The following PCDHGB4 variants were observed in gnomAD, a reference collection of about 807,000 sequenced individuals.
PCDHGB4 encodes the protein protocadherin gamma-B4.
A neutral mutation model predicts 60.5 loss-of-function variants in PCDHGB4; 38 were observed. The ratio of observed to expected loss-of-function variants is 0.63; its 90% CI spans 0.48 to 0.82. The LOEUF (loss-of-function observed/expected upper bound fraction) is 0.82. PCDHGB4 is among the 40% of genes least tolerant of loss of function. The pLI is 0.00. For missense variants in PCDHGB4, 1,109 were observed against 1,209.6 expected, an observed-to-expected ratio of 0.92 and a Z score of 1.23; for synonymous variants, 456 against 509.7, an observed-to-expected ratio of 0.89 and a Z score of 1.42.
intron 1 of PCDHGB4, among the ~76,000 whole-genome samples, chr5:141,482,104 A>T (rs11748215): frequency 0.23 from 34,477 of 150,324 alleles, 4,798 homozygotes; most frequent in African/African-American, 0.39. Context: ...AAAAAAAAAA[A>T]ATATCTAGAG....
rs781026604 is a variant in PCDHGB4, at chr5:141,490,471, C to A, written c.2398-4336C>A. The A allele has an allele frequency of 6.2e-7, 1 of 1,614,214 alleles. No individual in the cohort carries two copies. The highest frequency in any genetic ancestry group is 1.1e-5 in the South Asian group (1 of 91,088). On this transcript the variant is annotated intron_variant, in intron 1 of 3. Transcript: ENST00000519479. This position sits in a 1 kb window ranked among gnomAD's most constrained non-coding sequence, Gnocchi z 5.4. ...CCACTACTCGCTGCTAACCAGCCAGCCTTTGGACCGGGAGGCCACATCCCA... is the reference window on the plus strand; with the variant it reads ...CCACTACTCGCTGCTAACCAGCCAGACTTTGGACCGGGAGGCCACATCCCA...
chr5:141,482,041 T>C (rs1443886481), intron 1 of PCDHGB4, among the ~76,000 whole-genome samples: 2 of 150,190 alleles, frequency 1.3e-5, no homozygotes, highest in Non-Finnish European at 2.9e-5. Context: ...GCCAAGATCA[T>C]GCTGTTGCAT....
chr5:141,456,426 A>G (rs2098857765), intron 1 of PCDHGB4, among the ~76,000 whole-genome samples: 1 of 152,210 alleles, frequency 6.6e-6, no homozygotes, highest in Non-Finnish European at 1.5e-5. Context: ...AATTCAAGTT[A>G]TAGTATTGAG....
intron 2 of PCDHGB4, among the ~76,000 whole-genome samples, chr5:141,497,621 C>T (rs769483223): frequency 7.3e-5 from 11 of 151,482 alleles, no homozygotes; most frequent in Non-Finnish European, 1.3e-4. Flanking sequence ...CTCACTGCAA[C>T]CTCTGCCTGC....
Position 141,387,938 on chromosome 5 carries a change from T to G in PCDHGB4, c.54T>G (p.Phe18Leu), listed in dbSNP as rs1461367286. Reference sequence around the variant, plus strand: ...GGGCTGAGAGGCTGCCAGTGCTCTTTCTCTTCCTGCTGTCTTTGTTCTGCC... The same window carrying G: ...GGGCTGAGAGGCTGCCAGTGCTCTTGCTCTTCCTGCTGTCTTTGTTCTGCC... ...LGRAERLPVL[F>L]LFLLSLFCPA... Residue 18 changes from phenylalanine (F) to leucine (L), a missense_variant, in exon 1 of 4, where the codon TTT (phenylalanine) becomes TTG (leucine). Around this residue, in one of 2 missense-constraint regions of PCDHGB4, gnomAD observed 41 missense variants for 119.7 expected, o/e 0.34. Coordinates refer to ENST00000519479, the MANE Select transcript of PCDHGB4 (RefSeq NM_003736.4). The G allele has an allele frequency of 6.8e-7, 1 of 1,476,714 alleles. No homozygotes were observed. The highest frequency in any genetic ancestry group is 1.4e-5 in the South Asian group (1 of 71,024). 91.5% of individuals were successfully genotyped at this position (1,476,714 alleles called of 1,614,324 possible). A position where few individuals can be genotyped will look rare whatever the true frequency, so the allele number is the denominator to read the frequency against.
At chr5:141,397,961 G>A in intron 1 of PCDHGB4, 1 of 1,038,400 alleles carries the variant, frequency 9.6e-7, no homozygotes, top group Non-Finnish European at 1.4e-6. Context: ...CCCCAGCTCA[G>A]ACTCCCCAGC....
intron 1 of PCDHGB4, chr5:141,395,849 C>G (rs1173151406): frequency 6.6e-6 from 1 of 152,094 alleles, no homozygotes; most frequent in African/African-American, 2.4e-5. Flanking sequence ...GGAGATGAGA[C>G]TGGTTACTAA....
rs756466649 is a variant in PCDHGB4, at chr5:141,495,663, G to A, written c.2456+798G>A. 1.1e-3 allele frequency among the ~76,000 whole-genome samples: 169 copies of A among 152,164 alleles called. 3 individuals are homozygous for A. The highest frequency in any genetic ancestry group is 1.9e-3 in the Admixed American group (29 of 15,272). ...TTGTCTACTTGCATTGATCTGTGCCGCCCACTGTGCCTGCCATGGCATAAG... is the reference window on the plus strand; with the variant it reads ...TTGTCTACTTGCATTGATCTGTGCCACCCACTGTGCCTGCCATGGCATAAG... On this transcript the variant is annotated intron_variant, in intron 2 of 3. Coordinates refer to ENST00000519479, the MANE Select transcript of PCDHGB4 (RefSeq NM_003736.4).
chr5:141,477,221 A>G lies in PCDHGB4; in HGVS notation c.2398-17586A>G, dbSNP rs771608717. 1 of 1,614,178 alleles carries G rather than the reference A, an allele frequency of 6.2e-7. No homozygotes were observed. The highest frequency in any genetic ancestry group is 8.5e-7 in the Non-Finnish European group (1 of 1,180,044). ...AGTACCCGAGGATGCCCCTCTGGGG[A>G]CTGTCATCGCTTTGCTCAGTGTGAC... On this transcript the variant is annotated intron_variant, in intron 1 of 3. Coordinates refer to ENST00000519479, the MANE Select transcript of PCDHGB4 (RefSeq NM_003736.4). This position sits in a 1 kb window ranked among gnomAD's most constrained non-coding sequence, Gnocchi z 4.9.
At chr5:141,443,059 A>G (rs148799842) in intron 1 of PCDHGB4, among the ~76,000 whole-genome samples, 145 of 152,348 alleles carry the variant, frequency 9.5e-4, no homozygotes, top group African/African-American at 3.3e-3. Context: ...GTTCCACTGA[A>G]GAGCGTCTTA....
At chr5:141,421,618 G>T (rs748399893) in intron 1 of PCDHGB4, 1 of 1,613,766 alleles carries the variant, frequency 6.2e-7, no homozygotes, top group Non-Finnish European at 8.5e-7. Flanking sequence ...TAATGATAAC[G>T]CCCCCAGCTT....
chr5:141,399,569 G>A (rs1192197329), intron 1 of PCDHGB4: 1 of 1,613,888 alleles, frequency 6.2e-7, no homozygotes, highest in Non-Finnish European at 8.5e-7. Context: ...GGGTTGAACG[G>A]CCAAGTCTCC....
At position 141,389,275 on chromosome 5, in the gene PCDHGB4, C is replaced by T. The variant is rs976237601; in HGVS notation, c.1391C>T (p.Pro464Leu). ...SYIVHVAENN[P>L]PGASISQVRA... ...ATAGTCCACGTGGCCGAGAACAACCCGCCTGGAGCCTCTATTTCACAAGTC... is the reference window on the plus strand; with the variant it reads ...ATAGTCCACGTGGCCGAGAACAACCTGCCTGGAGCCTCTATTTCACAAGTC... The change falls in exon 1 of 4, where the codon CCG becomes CTG. Residue 464 changes from proline to leucine, a missense_variant. Pro to Leu is a moderately conservative substitution (Grantham distance 98). Coordinates refer to ENST00000519479, the MANE Select transcript of PCDHGB4 (RefSeq NM_003736.4). The T allele has an allele frequency of 7.4e-6, 12 of 1,614,004 alleles. No homozygotes were observed. The highest frequency in any genetic ancestry group is 1.7e-5 in the Admixed American group (1 of 60,028).
chr5:141,400,858 G>A (rs1332975731), intron 1 of PCDHGB4, among the ~76,000 whole-genome samples: 1 of 152,108 alleles, frequency 6.6e-6, no homozygotes, highest in Non-Finnish European at 1.5e-5. Context: ...TTTATTGTAT[G>A]TAGATAAACC....
chr5:141,510,905 C>T lies in PCDHGB4; in HGVS notation c.2546-42C>T. 4 of 1,613,538 alleles carry T rather than the reference C, an allele frequency of 2.5e-6. No homozygotes were observed. In the South Asian group the frequency reaches 4.4e-5, roughly 18 times the overall value. ...GATATAAGACAGTGACTGTTGAGGA[C>T]CCTAAGTTTAGCTCCCACCTGATCT... On this transcript the variant is annotated intron_variant, in intron 3 of 3. Coordinates refer to ENST00000519479, the MANE Select transcript of PCDHGB4 (RefSeq NM_003736.4).
chr5:141,508,062 C>T (rs910730855), intron 3 of PCDHGB4: 2 of 152,316 alleles, frequency 1.3e-5, no homozygotes, highest in African/African-American at 4.8e-5. Flanking sequence ...TAATCAGCCT[C>T]CTTGGGCTAC....
Position 141,486,971 on chromosome 5 carries a change from T to G in PCDHGB4, c.2398-7836T>G. ...AAAGGTGACTGCTGTGGACTTGGAT[T>G]CAGGTTACAATGCTTGGGTTTCCTA... On this transcript the variant is annotated intron_variant, in intron 1 of 3. Transcript: ENST00000519479. The surrounding 1 kb of genome is among the most constrained non-coding windows in gnomAD (Gnocchi z 5.0). The G allele has an allele frequency of 6.2e-7, 1 of 1,614,220 alleles. No homozygotes were observed. The highest frequency in any genetic ancestry group is 8.5e-7 in the Non-Finnish European group (1 of 1,180,042).
chr5:141,410,164 C>G (rs756470415), intron 1 of PCDHGB4: 8 of 1,613,642 alleles, frequency 5.0e-6, no homozygotes, highest in South Asian at 2.2e-5. Context: ...AGCCGCCACT[C>G]TCTGCCACCG....
chr5:141,468,680 C>T (rs1176643092), intron 1 of PCDHGB4: 1 of 151,074 alleles, frequency 6.6e-6, no homozygotes, highest in Non-Finnish European at 1.5e-5. Flanking sequence ...TCCTGGCTAA[C>T]ACGGTGAAAC....
Sources: allele counts gnomAD v4.1 joint callset (sites outside exome capture counted in the v4.1 genomes callset), GRCh38; gene constraint gnomAD v4.1.1; regional missense constraint gnomAD v4.1.1; non-coding constraint Gnocchi (gnomAD v3.1); transcripts MANE v1.5; gene names NCBI Gene and HGNC (gene_info 2026-07-23, HGNC 2026-07-21).